Variants in ZEB2 observed in about 807,000 individuals in gnomAD.
ZEB2 encodes zinc finger E-box-binding homeobox 2.
ZEB2 carries 6 observed loss-of-function variants against 99.9 expected under a neutral mutation model. The observed-to-expected ratio is 0.06, with a 90% CI of 0.03 to 0.12. The LOEUF is 0.12. Ranked by LOEUF, ZEB2 falls within the 10% of genes least tolerant of loss-of-function variation. The pLI is 1.00. For synonymous variants in ZEB2, 517 were observed against 542.5 expected, an observed-to-expected ratio of 0.95 and a Z score of 0.65; for missense variants, 969 against 1,502.8, an observed-to-expected ratio of 0.64 and a Z score of 5.87.
chr2:144,494,358 G>C (rs1401421478), intron 2 of ZEB2: 2 of 152,084 alleles, frequency 1.3e-5, no homozygotes, highest in Non-Finnish European at 2.9e-5. Flanking sequence ...TGCAACCTAT[G>C]TGAAAATCAC....
intron 3 of ZEB2, 159 bp downstream of exon 3, chr2:144,429,610 C>T: frequency 2.6e-6 from 3 of 1,169,726 alleles, no homozygotes; most frequent in East Asian, 2.5e-5. Context: ...ATTACTATCA[C>T]TTCATAATCT....
chr2:144,413,214 C>G (rs967073300), intron 4 of ZEB2, among the ~76,000 whole-genome samples: 4 of 152,160 alleles, frequency 2.6e-5, no homozygotes, highest in Non-Finnish European at 5.9e-5. Flanking sequence ...GGAAAACAAA[C>G]ATGCAGATTA....
chr2:144,500,446 G>A (rs1704851449), intron 2 of ZEB2, among the ~76,000 whole-genome samples: 1 of 152,136 alleles, frequency 6.6e-6, no homozygotes, highest in African/African-American at 2.4e-5. Flanking sequence ...TTGGGAATGA[G>A]TGACTTCATC....
intron 2 of ZEB2, among the ~76,000 whole-genome samples, chr2:144,458,703 T>C (rs1213543516): frequency 6.6e-6 from 1 of 152,184 alleles, no homozygotes; most frequent in Non-Finnish European, 1.5e-5. Context: ...CAGGTTTAAC[T>C]AAATAATTTA....
intron 3 of ZEB2, chr2:144,428,865 G>A (rs755562591): frequency 6.6e-6 from 1 of 152,046 alleles, no homozygotes; most frequent in Non-Finnish European, 1.5e-5. Flanking sequence ...AAAACAAGGT[G>A]GGGTAAACAA....
intron 2 of ZEB2, among the ~76,000 whole-genome samples, chr2:144,466,358 C>A (rs1371018839): frequency 6.6e-6 from 1 of 152,142 alleles, no homozygotes; most frequent in Non-Finnish European, 1.5e-5. Context: ...TAATGAGAAT[C>A]ATGATGGAGT....
chr2:144,479,688 G>GGGGGA (rs1560642134), intron 2 of ZEB2, among the ~76,000 whole-genome samples: 1 of 111,286 alleles, frequency 9.0e-6, no homozygotes, highest in Non-Finnish European at 1.9e-5. Context: ...TTTTTTGGGG[G>GGGGGA]GGGGGGCGGG....
At chr2:144,428,712 C>A (rs1351502501) in intron 3 of ZEB2, 1 of 152,100 alleles carries the variant, frequency 6.6e-6, no homozygotes, top group Admixed American at 6.6e-5. Context: ...CTTTTATTAT[C>A]CTCCTTCCAG....
chr2:144,464,595 A>C (rs367903276), intron 2 of ZEB2, among the ~76,000 whole-genome samples: 140 of 152,306 alleles, frequency 9.2e-4, no homozygotes, highest in African/African-American at 3.1e-3. Flanking sequence ...TAACCTAAAC[A>C]AGCAATCAAT....
At chr2:144,445,267 T>C (rs1703967798) in intron 2 of ZEB2, among the ~76,000 whole-genome samples, 2 of 2,346 alleles carry the variant, frequency 8.5e-4, no homozygotes, top group African/African-American at 6.0e-4. Context: ...TTCCTCCTCT[T>C]TTTTTTTTTT....
intron 4 of ZEB2, among the ~76,000 whole-genome samples, chr2:144,406,425 G>A (rs1703388040): frequency 6.6e-6 from 1 of 152,038 alleles, no homozygotes; most frequent in African/African-American, 2.4e-5. Context: ...GTTATATGGT[G>A]GTATAAAAAA....
intron 2 of ZEB2, among the ~76,000 whole-genome samples, chr2:144,459,886 G>A (rs1382482987): frequency 6.6e-6 from 1 of 152,142 alleles, no homozygotes; most frequent in Non-Finnish European, 1.5e-5. Context: ...CTCTCATAGA[G>A]GAAAACAGGC....
intron 2 of ZEB2, among the ~76,000 whole-genome samples, chr2:144,433,217 C>A (rs1703796489): frequency 6.6e-6 from 1 of 152,128 alleles, no homozygotes; most frequent in Non-Finnish European, 1.5e-5. Context: ...GTCTCTGAGG[C>A]ATAGCAAAAA....
intron 2 of ZEB2, chr2:144,512,079 G>T: frequency 7.8e-7 from 1 of 1,287,146 alleles, no homozygotes; most frequent in African/African-American, 1.5e-5. Context: ...TGGGAATGCG[G>T]GAATGAATGG....
intron 2 of ZEB2, among the ~76,000 whole-genome samples, chr2:144,473,474 G>A (rs1288367723): frequency 6.6e-6 from 1 of 152,116 alleles, no homozygotes; most frequent in Non-Finnish European, 1.5e-5. Flanking sequence ...TGTTGCTCAG[G>A]CTGGTCTTAA....
rs529995435 is a variant in ZEB2, at chr2:144,466,993, G to T, written c.74-36967C>A. 2.6e-5 allele frequency among the ~76,000 whole-genome samples: 4 copies of T among 152,220 alleles called. No homozygotes were observed. In the South Asian group the frequency reaches 8.3e-4, roughly 32 times the overall value. On this transcript the variant is annotated intron_variant, in intron 2 of 9. Coordinates refer to ENST00000627532, the MANE Select transcript of ZEB2 (RefSeq NM_014795.4). ...ATTTTCCTGCCGCGCAACAATTAAG[G>T]TCGCCAAAATAATTGCCAGTTTCTT...
intron 4 of ZEB2, among the ~76,000 whole-genome samples, chr2:144,414,806 C>T (rs1703515963): frequency 6.6e-6 from 1 of 152,100 alleles, no homozygotes; most frequent in Non-Finnish European, 1.5e-5. Context: ...AGTTTTTCAT[C>T]ATGCCTGACT....
intron 2 of ZEB2, among the ~76,000 whole-genome samples, chr2:144,467,042 A>AT (rs1560636377): frequency 6.6e-6 from 1 of 152,162 alleles, no homozygotes; most frequent in Non-Finnish European, 1.5e-5. Context: ...CAAGACTGAC[A>AT]TAAGGAATGG....
chr2:144,403,908 C>G lies in ZEB2; in HGVS notation c.807+8G>C. 2 of 1,614,044 alleles carry G rather than the reference C, an allele frequency of 1.2e-6. No individual in the cohort carries two copies. The highest frequency in any genetic ancestry group is 1.7e-6 in the Non-Finnish European group (2 of 1,179,990). ...ATAGAAAGAAATCACTTAAAACCAT[C>G]CCCCCACCTGATCTGTCCCTGGCTT... On this transcript the variant is annotated splice_region_variant and intron_variant, in intron 6 of 9. Coordinates refer to ENST00000627532, the MANE Select transcript of ZEB2 (RefSeq NM_014795.4).
Sources: allele counts gnomAD v4.1 joint callset (sites outside exome capture counted in the v4.1 genomes callset), GRCh38; gene constraint gnomAD v4.1.1; transcripts MANE v1.5; gene names NCBI Gene and HGNC (gene_info 2026-07-23, HGNC 2026-07-21).